TNKS: variants seen among roughly 807,000 people sequenced by gnomAD.
The protein encoded by TNKS is poly [ADP-ribose] polymerase tankyrase-1.
A neutral mutation model predicts 135.8 loss-of-function variants in TNKS; 72 were observed. That is an observed-to-expected ratio of 0.53 (90% CI 0.44 to 0.64). The LOEUF is 0.64. Ranked by LOEUF, TNKS falls within the 30% of genes least tolerant of loss-of-function variation. TNKS has a pLI of 0.00. For missense variants in TNKS, 1,769 were observed against 1,674.0 expected, an observed-to-expected ratio of 1.06 and a Z score of -0.99; for synonymous variants, 849 against 649.3, an observed-to-expected ratio of 1.31 and a Z score of -4.68.
At chr8:9,604,979 C>G (rs1281545485) in intron 2 of TNKS, among the ~76,000 whole-genome samples, 2 of 151,816 alleles carry the variant, frequency 1.3e-5, no homozygotes, top group Admixed American at 1.3e-4. Flanking sequence ...CTCTATAAAG[C>G]TTTTAAAATA....
At chr8:9,758,885 C>T (rs1345360254) in intron 20 of TNKS, among the ~76,000 whole-genome samples, 4 of 152,184 alleles carry the variant, frequency 2.6e-5, no homozygotes, top group African/African-American at 7.2e-5. Context: ...CTTTGCTTCA[C>T]GATCTCTCAC....
chr8:9,706,578 G>A (rs933916970), intron 7 of TNKS, among the ~76,000 whole-genome samples: 12 of 152,054 alleles, frequency 7.9e-5, no homozygotes, highest in African/African-American at 2.7e-4. Flanking sequence ...GCCCAGTCTT[G>A]TTTTTTTAGA....
rs1806556127 is a variant in TNKS, at chr8:9,751,846, G to A, written c.3070G>A (p.Val1024Ile). Reference protein sequence around the residue: ...AAGTERKEGEVAGLDMNISQF... With the variant: ...AAGTERKEGEIAGLDMNISQF... ...GGGAACAGAAAGGAAGGAAGGAGAA[G>A]GTGAGTAGACCCCATGAATGCTTAT... Residue 1024 changes from valine (V) to isoleucine (I), a missense_variant and splice_region_variant, in exon 19 of 27, where the codon GTT becomes ATT. This residue lies in a region of TNKS where 722 missense variants were observed against 688.9 expected (regional missense o/e 1.05). Coordinates refer to ENST00000310430, the MANE Select transcript of TNKS (RefSeq NM_003747.3). The A allele has an allele frequency of 1.2e-6, 2 of 1,613,522 alleles. No individual in the cohort carries two copies. The highest frequency in any genetic ancestry group is 1.7e-6 in the Non-Finnish European group (2 of 1,179,496).
intron 1 of TNKS, among the ~76,000 whole-genome samples, chr8:9,579,339 A>G (rs1262196148): frequency 2.6e-5 from 4 of 152,132 alleles, no homozygotes; most frequent in Non-Finnish European, 4.4e-5. Flanking sequence ...TTCCTTTTCA[A>G]AATTCCCTTT....
At chr8:9,689,573 C>A (rs11773928) in intron 5 of TNKS, among the ~76,000 whole-genome samples, 16,287 of 152,168 alleles carry the variant, frequency 0.11, 1,214 homozygotes, top group East Asian at 0.22. Flanking sequence ...ATAAAATAAT[C>A]TACTTTCAGA....
At chr8:9,685,608 C>A (rs1411553654) in intron 5 of TNKS, among the ~76,000 whole-genome samples, 8 of 152,144 alleles carry the variant, frequency 5.3e-5, no homozygotes, top group African/African-American at 1.9e-4. Flanking sequence ...ATAAAATAAC[C>A]TATAGATTGT....
chr8:9,597,387 A>G (rs771334656), intron 2 of TNKS, among the ~76,000 whole-genome samples: 16 of 152,236 alleles, frequency 1.1e-4, no homozygotes, highest in Non-Finnish European at 1.6e-4. Context: ...ATCAAAGCTC[A>G]GTGAAGGGCT....
intron 1 of TNKS, chr8:9,556,974 T>C: frequency 2.3e-6 from 1 of 426,070 alleles, no homozygotes; most frequent in Non-Finnish European, 4.2e-6. Flanking sequence ...GTTTATTTTG[T>C]TTTTACAAGG....
At chr8:9,668,232 C>G (rs1172597686) in intron 3 of TNKS, among the ~76,000 whole-genome samples, 1 of 152,194 alleles carries the variant, frequency 6.6e-6, no homozygotes, top group Non-Finnish European at 1.5e-5. Flanking sequence ...CTGTTTGTAT[C>G]AGTTTATGTC....
chr8:9,683,412 T>G (rs1403999589), intron 5 of TNKS, among the ~76,000 whole-genome samples: 1 of 152,074 alleles, frequency 6.6e-6, no homozygotes, highest in African/African-American at 2.4e-5. Context: ...CTTTTTCATA[T>G]GTAGTAAATC....
rs541605835 is a variant in TNKS at position 9,590,198 on chromosome 8, C to A, written c.898+9815C>A. 2.3e-4 allele frequency among the ~76,000 whole-genome samples: 35 copies of A among 152,208 alleles called. No homozygotes were observed. In the South Asian group the frequency reaches 6.8e-3, roughly 30 times the overall value. ...TCAGGGCCCTCCTTGGTCTGGCTCC[C>A]GTCTACATCATGGACTTCATCCTCA... is the stretch of plus-strand genomic sequence containing the variant. On this transcript the variant is annotated intron_variant, in intron 2 of 26. Transcript: ENST00000310430.
intron 3 of TNKS, among the ~76,000 whole-genome samples, chr8:9,622,767 C>T (rs954434640): frequency 1.3e-5 from 2 of 152,096 alleles, no homozygotes; most frequent in Non-Finnish European, 2.9e-5. Flanking sequence ...CAGTAAGACT[C>T]ATCATCATAT....
intron 26 of TNKS, among the ~76,000 whole-genome samples, chr8:9,775,989 CCTT>C (rs575359928): frequency 2.5e-4 from 38 of 151,118 alleles, no homozygotes; most frequent in South Asian, 6.4e-4. Context: ...TGATCAGCCT[CCTT>C]TTTCCTGCTC....
In TNKS at chr8:9,708,485, C is replaced by T. The variant is rs1804161550; in HGVS notation, c.1571C>T (p.Thr524Ile). ...TTCAAACAACCGCAGTCTCATGAAA[C>T]AGCACTGGTAAGATTTTATTGTTAA... is the stretch of plus-strand genomic sequence containing the variant. ...INFKQPQSHETALHCAVASLH... is the reference protein window; with the variant it reads ...INFKQPQSHEIALHCAVASLH... Residue 524 changes from threonine to isoleucine, a missense_variant, in exon 9 of 27, where the codon ACA becomes ATA. Thr to Ile is a moderately conservative substitution (Grantham distance 89). Transcript: ENST00000310430. The T allele has an allele frequency of 6.2e-7, 1 of 1,600,672 alleles. No homozygotes were observed. Among genetic ancestry groups the T allele is most frequent in the Non-Finnish European group, 8.5e-7 (1 of 1,173,938 alleles).
intron 5 of TNKS, among the ~76,000 whole-genome samples, chr8:9,700,882 T>A (rs1803767019): frequency 6.6e-6 from 1 of 152,118 alleles, no homozygotes; most frequent in Non-Finnish European, 1.5e-5. Context: ...ATCTTACAAT[T>A]AAATGATTTT....
intron 2 of TNKS, among the ~76,000 whole-genome samples, chr8:9,607,463 A>G (rs1475489035): frequency 1.3e-5 from 2 of 152,178 alleles, no homozygotes; most frequent in African/African-American, 4.8e-5. Flanking sequence ...GACAAATGGT[A>G]GTTTCTTAGT....
intron 5 of TNKS, among the ~76,000 whole-genome samples, chr8:9,700,682 A>C (rs1803756111): frequency 6.6e-6 from 1 of 151,842 alleles, no homozygotes; most frequent in South Asian, 2.1e-4. Context: ...CTCACTAGCT[A>C]GATCAGTCAT....
rs189933353 is a variant in TNKS at position 9,676,531 on chromosome 8, A to G, written c.995-3420A>G. 2.6e-5 allele frequency among the ~76,000 whole-genome samples: 4 copies of G among 152,270 alleles called. No homozygotes were observed. In the East Asian group the frequency reaches 5.8e-4, roughly 22 times the overall value. On this transcript the variant is annotated intron_variant, in intron 3 of 26. Coordinates refer to ENST00000310430, the MANE Select transcript of TNKS (RefSeq NM_003747.3). ...CTCCTTAGTGATTTAAGTTTTCTTC[A>G]TTTTTACTCAAAAAGTAATTTTGCC...
intron 2 of TNKS, among the ~76,000 whole-genome samples, chr8:9,599,902 A>G (rs1485710864): frequency 3.3e-5 from 5 of 152,224 alleles, no homozygotes; most frequent in Admixed American, 2.6e-4. Context: ...GAGTTTGTCC[A>G]TAAAGATTGA....
Sources: allele counts gnomAD v4.1 joint callset (sites outside exome capture counted in the v4.1 genomes callset), GRCh38; gene constraint gnomAD v4.1.1; regional missense constraint gnomAD v4.1.1; transcripts MANE v1.5; gene names NCBI Gene and HGNC (gene_info 2026-07-23, HGNC 2026-07-21).